ATAD2B: variants seen among roughly 807,000 people sequenced by gnomAD.
The protein encoded by ATAD2B is ATPase family AAA domain-containing protein 2B.
In ATAD2B, 40 loss-of-function variants were observed where a neutral mutation model predicts 167.6. The observed-to-expected ratio is 0.24, with a 90% CI of 0.19 to 0.31. The LOEUF is 0.31. ATAD2B is among the 10% of genes least tolerant of loss of function. ATAD2B has a pLI of 1.00. For missense variants in ATAD2B, 1,242 were observed against 1,757.2 expected, an observed-to-expected ratio of 0.71 and a Z score of 5.24; for synonymous variants, 579 against 596.5, an observed-to-expected ratio of 0.97 and a Z score of 0.43.
intron 24 of ATAD2B, among the ~76,000 whole-genome samples, chr2:23,760,237 T>G (rs1676481028): frequency 6.6e-6 from 1 of 152,212 alleles, no homozygotes; most frequent in Non-Finnish European, 1.5e-5. Context: ...TGGTATAATT[T>G]TGGCAAAATA....
chr2:23,800,854 A>G (rs1683384538), intron 18 of ATAD2B, among the ~76,000 whole-genome samples: 1 of 152,040 alleles, frequency 6.6e-6, no homozygotes, highest in Admixed American at 6.5e-5. Context: ...CCTATTGGGG[A>G]AAAAAATCAG....
the ATAD2B span, among the ~76,000 whole-genome samples, chr2:23,741,636 G>C: frequency 6.6e-6 from 1 of 152,174 alleles, no homozygotes; most frequent in South Asian, 2.1e-4. Flanking sequence ...TCAGGACATA[G>C]GCATGGGCAA....
At chr2:23,744,266 AT>A (rs1340576514), downstream of ATAD2B, among the ~76,000 whole-genome samples, 1 of 151,654 alleles carries the variant, frequency 6.6e-6, no homozygotes, top group Non-Finnish European at 1.5e-5. Flanking sequence ...GTTGAAAACA[AT>A]TGGCTCCTGG....
rs928426607 is a variant in ATAD2B, at chr2:23,818,303, A to C, written c.2267+1444T>G. Among the ~76,000 whole-genome samples, 11 of 118,046 alleles carry C rather than the reference A, an allele frequency of 9.3e-5. No individual in the cohort carries two copies. The East Asian group carries it at 2.8e-3, about 30-fold the overall frequency. 77.4% of individuals were successfully genotyped at this position (118,046 alleles called of 152,430 possible). ...AAGAAGAGAGGGAGGGGGGAGAGAG[A>C]GAGAGAGAAAGAGAGAGAGACAGAG... On this transcript the variant is annotated intron_variant, in intron 17 of 27. Coordinates refer to ENST00000238789, the MANE Select transcript of ATAD2B (RefSeq NM_017552.4).
the ATAD2B span, chr2:23,703,947 A>T: frequency 2.8e-6 from 4 of 1,405,768 alleles, no homozygotes; most frequent in Admixed American, 6.9e-5. Context: ...TCCTGCCATC[A>T]GTGACCATAG....
intron 22 of ATAD2B, among the ~76,000 whole-genome samples, chr2:23,777,507 C>T (rs1679341283): frequency 2.0e-5 from 3 of 152,056 alleles, no homozygotes; most frequent in East Asian, 3.9e-4. Context: ...TTGGTTGAAA[C>T]AACTCATGAA....
chr2:23,751,157 G>A lies in ATAD2B; in HGVS notation c.*889C>T, dbSNP rs1184144906. ...TATTTATTTTCTAGTCATCATTGTTGGCAATACCAAAACGTGTGCAGTTTT... is the reference window on the plus strand; with the variant it reads ...TATTTATTTTCTAGTCATCATTGTTAGCAATACCAAAACGTGTGCAGTTTT... On this transcript the variant is annotated 3_prime_UTR_variant, in exon 28 of 28. Coordinates refer to ENST00000238789, the MANE Select transcript of ATAD2B (RefSeq NM_017552.4). 2 of 152,034 alleles carry A rather than the reference G, an allele frequency of 1.3e-5. No homozygotes were observed. The highest frequency in any genetic ancestry group is 2.9e-5 in the Non-Finnish European group (2 of 67,968). 9.4% of individuals were successfully genotyped at this position (152,034 alleles called of 1,614,324 possible). A position where few individuals can be genotyped will look rare whatever the true frequency, so the allele number is the denominator to read the frequency against.
At chr2:23,710,377 TTTAGCTACTAAA>T in the ATAD2B span, among the ~76,000 whole-genome samples, 1 of 152,204 alleles carries the variant, frequency 6.6e-6, no homozygotes, top group East Asian at 1.9e-4. Flanking sequence ...TAGTAACATC[TTTAGCTACTAAA>T]TTAGCTCCCC....
chr2:23,732,324 G>GA, the ATAD2B span, among the ~76,000 whole-genome samples: 2 of 151,788 alleles, frequency 1.3e-5, no homozygotes, highest in South Asian at 2.1e-4. Flanking sequence ...TGACAAAGGA[G>GA]AAAAAAAACT....
Position 23,874,413 on chromosome 2 carries a change from G to A in ATAD2B, c.977+1416C>T, listed in dbSNP as rs915891321. On this transcript the variant is annotated intron_variant, in intron 8 of 27. Coordinates refer to ENST00000238789, the MANE Select transcript of ATAD2B (RefSeq NM_017552.4). The stretch of plus-strand genomic sequence containing the variant: ...GCACAAAATAAAAAACAAGTAACTT[G>A]AACTTCATAAAAATTAAAAGCTTGG... Among the ~76,000 whole-genome samples the A allele has an allele frequency of 4.6e-5, 7 of 151,800 alleles. No homozygotes were observed. In the East Asian group the frequency reaches 1.4e-3, roughly 30 times the overall value.
intron 13 of ATAD2B, among the ~76,000 whole-genome samples, chr2:23,836,227 G>A (rs894875880): frequency 2.0e-5 from 3 of 152,188 alleles, no homozygotes; most frequent in Non-Finnish European, 2.9e-5. Flanking sequence ...GCACCGGGGC[G>A]GGCAGCTCCA....
intron 8 of ATAD2B, among the ~76,000 whole-genome samples, chr2:23,875,285 A>G (rs556222629): frequency 1.3e-4 from 20 of 152,188 alleles, no homozygotes; most frequent in African/African-American, 4.8e-4. Context: ...GGGGTTCACA[A>G]GGTCAGGAGT....
chr2:23,732,169 A>T, the ATAD2B span, among the ~76,000 whole-genome samples: 1 of 152,194 alleles, frequency 6.6e-6, no homozygotes, highest in Non-Finnish European at 1.5e-5. Context: ...ACAAAAGATA[A>T]ATGAACATAG....
chr2:23,874,303 T>C (rs1696468582), intron 8 of ATAD2B, among the ~76,000 whole-genome samples: 1 of 152,026 alleles, frequency 6.6e-6, no homozygotes, highest in African/African-American at 2.4e-5. Flanking sequence ...GCTAAAACTA[T>C]AAACTATTAG....
intron 2 of ATAD2B, among the ~76,000 whole-genome samples, chr2:23,890,080 T>C (rs1213076383): frequency 6.6e-6 from 1 of 151,738 alleles, no homozygotes; most frequent in African/African-American, 2.4e-5. Flanking sequence ...CCAGGCGTGG[T>C]GGCAGGCACC....
the ATAD2B span, among the ~76,000 whole-genome samples, chr2:23,721,187 A>G: frequency 2.6e-5 from 4 of 152,250 alleles, no homozygotes; most frequent in African/African-American, 7.2e-5. Flanking sequence ...TTTCCAGGCC[A>G]GCAGAGCAGC....
the ATAD2B span, among the ~76,000 whole-genome samples, chr2:23,740,311 T>C: frequency 2.0e-5 from 3 of 152,178 alleles, no homozygotes; most frequent in Non-Finnish European, 4.4e-5. Context: ...AATAAAATAC[T>C]GGCAAACCGA....
chr2:23,765,728 A>G, intron 22 of ATAD2B, 100 bp from the exon 23 acceptor site: 1 of 781,220 alleles, frequency 1.3e-6, no homozygotes, highest in Non-Finnish European at 1.8e-6. Context: ...AATTATAAAA[A>G]GCATTGCTAG....
chr2:23,731,397 G>A, the ATAD2B span, among the ~76,000 whole-genome samples: 1 of 152,168 alleles, frequency 6.6e-6, no homozygotes, highest in Non-Finnish European at 1.5e-5. Flanking sequence ...AGGCTCTAAT[G>A]TATTTAGGCA....
Sources: gnomAD v4.1 joint callset for allele counts (sites outside exome capture counted in the v4.1 genomes callset) on GRCh38, gnomAD v4.1.1 for gene constraint, MANE v1.5 for transcripts, NCBI Gene and HGNC (gene_info 2026-07-23, HGNC 2026-07-21) for gene names.